Variants in LMNTD1 observed in about 807,000 individuals in gnomAD.
LMNTD1 encodes lamin tail domain-containing protein 1.
LMNTD1 carries 35 observed loss-of-function variants against 50.9 expected under a neutral mutation model. The observed-to-expected ratio is 0.69, with a 90% CI of 0.53 to 0.91. The LOEUF is 0.91. LMNTD1 is among the 40% of genes least tolerant of loss of function. The pLI, the probability that LMNTD1 is intolerant of heterozygous loss-of-function variation, is 0.00. For synonymous variants in LMNTD1, 153 were observed against 161.9 expected, an observed-to-expected ratio of 0.94 and a Z score of 0.42; for missense variants, 470 against 475.5, an observed-to-expected ratio of 0.99 and a Z score of 0.11.
At chr12:25,525,174 T>C (rs2136075517) in intron 6 of LMNTD1, among the ~76,000 whole-genome samples, 1 of 152,306 alleles carries the variant, frequency 6.6e-6, no homozygotes, top group Non-Finnish European at 1.5e-5. Flanking sequence ...CTTTGAACCT[T>C]ATTGGTGTGT....
chr12:25,503,782 GTCT>G lies in LMNTD1; in HGVS notation c.1205_1207del (p.Lys402del). 2 of 1,584,646 alleles carry G rather than the reference GTCT, an allele frequency of 1.3e-6. No homozygotes were observed. The highest frequency in any genetic ancestry group is 8.6e-7 in the Non-Finnish European group (1 of 1,162,044). On this transcript the variant is annotated inframe_deletion, in exon 9 of 10. Coordinates refer to ENST00000458174, the MANE Select transcript of LMNTD1 (RefSeq NM_001145728.2). ...TGCTTATTGCTTTTGTGACTCAGAT[GTCT>G]TCTTTTTCTTAGACCCTGAAAATTA... is the stretch of plus-strand genomic sequence containing the variant.
chr12:25,611,380 G>C, intron 1 of LMNTD1, among the ~76,000 whole-genome samples: 1 of 152,198 alleles, frequency 6.6e-6, no homozygotes, highest in Admixed American at 6.5e-5. Context: ...GGTTTTAGGA[G>C]GGGTTGTTTT....
At chr12:25,640,803 C>A (rs751493701) in intron 1 of LMNTD1, among the ~76,000 whole-genome samples, 5 of 152,036 alleles carry the variant, frequency 3.3e-5, no homozygotes, top group Admixed American at 1.3e-4. Flanking sequence ...GCTGGGACTA[C>A]AGGTGCCCAC....
rs760487363 is a variant in LMNTD1 at position 25,526,959 on chromosome 12, GA to G, written c.492-5del. ...TATTTCAACATCTCCAAGAGAACTA[GA>G]AAATAAAACACAAAGATTGTAAGCT... On this transcript the variant is annotated splice_region_variant and splice_polypyrimidine_tract_variant and intron_variant, in intron 4 of 9. Coordinates refer to ENST00000458174, the MANE Select transcript of LMNTD1 (RefSeq NM_001145728.2). The G allele has an allele frequency of 6.3e-7, 1 of 1,590,970 alleles. No individual in the cohort carries two copies. The highest frequency in any genetic ancestry group is 2.2e-5 in the East Asian group (1 of 44,488).
intron 1 of LMNTD1, among the ~76,000 whole-genome samples, chr12:25,569,814 G>A (rs916003560): frequency 7.9e-5 from 12 of 152,136 alleles, no homozygotes; most frequent in Non-Finnish European, 1.6e-4. Context: ...TAAGTTCCCT[G>A]AGGCCCTCAC....
At chr12:25,641,501 A>G (rs1946958981) in intron 1 of LMNTD1, among the ~76,000 whole-genome samples, 1 of 152,186 alleles carries the variant, frequency 6.6e-6, no homozygotes, top group Non-Finnish European at 1.5e-5. Flanking sequence ...GTTAAAGGGG[A>G]ATAACATAAC....
rs575233680 is a variant in LMNTD1 at position 25,590,754 on chromosome 12, A to T, written c.59-44200T>A. On this transcript the variant is annotated intron_variant, in intron 1 of 7. Transcript: ENST00000445693. ...GATAGGCAGCTCAGCCCACAACAGG[A>T]TAGAGCACCAGTAAGAGTTGTGAGG... Among the ~76,000 whole-genome samples the T allele has an allele frequency of 3.9e-5, 6 of 152,246 alleles. No homozygotes were observed. The South Asian group carries it at 1.0e-3, about 26-fold the overall frequency.
rs193238701 is a variant in LMNTD1 at position 25,498,830 on chromosome 12, G to T, written c.*22+4908C>A. Among the ~76,000 whole-genome samples the T allele has an allele frequency of 3.2e-3, 482 of 152,178 alleles. 2 individuals carry two copies. The highest frequency in any genetic ancestry group is 0.01 in the African/African-American group (434 of 41,506). The stretch of plus-strand genomic sequence containing the variant: ...TGGCTTCCTCTCCTGTGTGATGAAG[G>T]TTGGTTGCAACATGCTAGGCATCTT... On this transcript the variant is annotated intron_variant, in intron 9 of 9. Coordinates refer to ENST00000458174, the MANE Select transcript of LMNTD1 (RefSeq NM_001145728.2).
intron 9 of LMNTD1, among the ~76,000 whole-genome samples, chr12:25,496,205 G>A (rs1939059550): frequency 6.6e-6 from 1 of 152,162 alleles, no homozygotes; most frequent in Admixed American, 6.5e-5. Context: ...AGGGAAGTCT[G>A]TTAGGGGTGA....
intron 1 of LMNTD1, among the ~76,000 whole-genome samples, chr12:25,583,721 G>T (rs765619173): frequency 3.9e-5 from 6 of 152,194 alleles, no homozygotes; most frequent in Non-Finnish European, 5.9e-5. Flanking sequence ...TAGTAAGGCT[G>T]GGAGAGGGAG....
At chr12:25,486,485 A>G (rs1238978242) in intron 9 of LMNTD1, among the ~76,000 whole-genome samples, 2 of 140,008 alleles carry the variant, frequency 1.4e-5, no homozygotes, top group Non-Finnish European at 3.1e-5. Context: ...TCCTAATTGA[A>G]TACCCTTTAT....
chr12:25,574,008 C>A (rs757998569), intron 1 of LMNTD1, among the ~76,000 whole-genome samples: 4 of 152,108 alleles, frequency 2.6e-5, no homozygotes, highest in Admixed American at 2.0e-4. Flanking sequence ...TCCCCTCAAG[C>A]CTTTTCTCAA....
chr12:25,541,309 C>T, intron 4 of LMNTD1, among the ~76,000 whole-genome samples: 1 of 138,316 alleles, frequency 7.2e-6, no homozygotes, highest in Non-Finnish European at 1.6e-5. Flanking sequence ...AGGCATCACA[C>T]TACCTGACTT....
chr12:25,594,721 C>T (rs1210035550), intron 1 of LMNTD1, among the ~76,000 whole-genome samples: 1 of 148,278 alleles, frequency 6.7e-6, no homozygotes, highest in Non-Finnish European at 1.5e-5. Flanking sequence ...TGGAATGGCA[C>T]CTCACATCTC....
At chr12:25,496,343 T>C (rs988310020) in intron 9 of LMNTD1, among the ~76,000 whole-genome samples, 1 of 152,176 alleles carries the variant, frequency 6.6e-6, no homozygotes, top group Non-Finnish European at 1.5e-5. Context: ...AGTTAACTTT[T>C]ATTGTACACT....
rs117365692 is a variant in LMNTD1 at position 25,565,524 on chromosome 12, A to T, written c.59-18970T>A. ...AACTTTTTCACATTTTGTTGTTTCT[A>T]TTTATATCTTATTGTACTGTCTGTG... On this transcript the variant is annotated intron_variant, in intron 1 of 7. Coordinates refer to the LMNTD1 transcript ENST00000445693. 1.4e-4 allele frequency among the ~76,000 whole-genome samples: 21 copies of T among 152,208 alleles called. No homozygotes were observed. The East Asian group carries it at 4.0e-3, about 29-fold the overall frequency.
chr12:25,586,468 C>T (rs528236569), intron 1 of LMNTD1, among the ~76,000 whole-genome samples: 29 of 152,256 alleles, frequency 1.9e-4, no homozygotes, highest in African/African-American at 5.8e-4. Context: ...TTCTTAGTAG[C>T]AAAAACTGCC....
At chr12:25,546,122 C>A (rs994469327) in intron 4 of LMNTD1, among the ~76,000 whole-genome samples, 3 of 151,572 alleles carry the variant, frequency 2.0e-5, no homozygotes, top group African/African-American at 7.2e-5. Flanking sequence ...ATTGAGTTGA[C>A]CCTATTAGTA....
chr12:25,509,453 T>C (rs549081572), intron 8 of LMNTD1, among the ~76,000 whole-genome samples: 1 of 152,342 alleles, frequency 6.6e-6, no homozygotes, highest in Admixed American at 6.5e-5. Flanking sequence ...TATTACAACA[T>C]GTATTTTTGA....
Sources: gnomAD v4.1 joint callset for allele counts (sites outside exome capture counted in the v4.1 genomes callset) on GRCh38, gnomAD v4.1.1 for gene constraint, MANE v1.5 for transcripts, NCBI Gene and HGNC (gene_info 2026-07-23, HGNC 2026-07-21) for gene names.